Variants in UPF3A observed in about 807,000 individuals in gnomAD.
The protein encoded by UPF3A is UPF3A regulator of nonsense mediated mRNA decay, also known as regulator of nonsense transcripts 3A.
Under a neutral mutation model 53.5 loss-of-function variants are expected in UPF3A, and 42 were observed. That is an observed-to-expected ratio of 0.78 (90% CI 0.61 to 1.01). The LOEUF is 1.01. UPF3A is among the 50% of genes least tolerant of loss of function. The pLI, the probability that UPF3A is intolerant of heterozygous loss-of-function variation, is 0.00. For synonymous variants in UPF3A, 237 were observed against 225.3 expected, an observed-to-expected ratio of 1.05 and a Z score of -0.47; for missense variants, 575 against 598.0, an observed-to-expected ratio of 0.96 and a Z score of 0.40.
At position 114,283,928 on chromosome 13, in the gene UPF3A, G is replaced by T. The variant is rs904333819; in HGVS notation, c.421+985G>T. Reference sequence around the variant, plus strand: ...GTGTTTTCTTTTTCTCCAATGAGGGGTAAGGACTAGAAAGATTGTTAAAAA... The same window carrying T: ...GTGTTTTCTTTTTCTCCAATGAGGGTTAAGGACTAGAAAGATTGTTAAAAA... On this transcript the variant is annotated intron_variant, in intron 3 of 9. Coordinates refer to ENST00000375299, the MANE Select transcript of UPF3A (RefSeq NM_023011.4). 5 of 985,218 alleles carry T rather than the reference G, an allele frequency of 5.1e-6. No individual in the cohort carries two copies. In the Admixed American group the frequency reaches 2.5e-4, roughly 48 times the overall value. The allele number at this position is 985,218 out of a possible 1,614,324, so 61.0% of individuals were successfully genotyped here. A position where few individuals can be genotyped will look rare whatever the true frequency, so the allele number is the denominator to read the frequency against.
chr13:114,302,752 A>G (rs952401984), intron 9 of UPF3A, among the ~76,000 whole-genome samples: 6 of 152,186 alleles, frequency 3.9e-5, no homozygotes, highest in African/African-American at 1.4e-4. Flanking sequence ...CACTCAGTCT[A>G]ATTCCTTTCA....
rs12872127 is a variant in UPF3A at position 114,295,044 on chromosome 13, G to A, written c.846+3252G>A. On this transcript the variant is annotated intron_variant, in intron 7 of 9. Coordinates refer to ENST00000375299, the MANE Select transcript of UPF3A (RefSeq NM_023011.4). Reference sequence around the variant, plus strand: ...GGAGAATGGCATGAACCCGGGAGGCGGAGCTTGCAGTGAGCCAAGATTGCG... The same window carrying A: ...GGAGAATGGCATGAACCCGGGAGGCAGAGCTTGCAGTGAGCCAAGATTGCG... Among the ~76,000 whole-genome samples the A allele has an allele frequency of 1.0e-4, 15 of 148,032 alleles. No individual in the cohort carries two copies. In the East Asian group the frequency reaches 2.0e-3, roughly 20 times the overall value.
intron 5 of UPF3A, among the ~76,000 whole-genome samples, 172 bp from the exon 6 acceptor site, chr13:114,291,317 A>G (rs555042988): frequency 6.6e-6 from 1 of 152,348 alleles, no homozygotes; most frequent in South Asian, 2.1e-4. Context: ...TGATACTTTC[A>G]AATTACTTGA....
At position 114,281,643 on chromosome 13, in the gene UPF3A, C is replaced by T. The variant is rs1372751125; in HGVS notation, c.4C>T (p.Arg2Cys). 6.1e-6 allele frequency: 9 copies of T among 1,472,052 alleles called. No individual in the cohort carries two copies. Among genetic ancestry groups the T allele is most frequent in the South Asian group, 5.2e-5 (4 of 77,644 alleles). 91.2% of individuals were successfully genotyped at this position (1,472,052 alleles called of 1,614,324 possible). The change falls in exon 1 of 10, where the codon CGC becomes TGC. Residue 2 changes from arginine (R) to cysteine (C), a missense_variant. Transcript: ENST00000375299. M[R>C]SEKEGAGGLR... ...GCGGCTCGGCGGAGAGTGCGGCATG[C>T]GCTCGGAAAAGGAGGGGGCCGGAGG...
intron 5 of UPF3A, among the ~76,000 whole-genome samples, chr13:114,290,186 A>G (rs1391948241): frequency 2.0e-5 from 3 of 152,032 alleles, no homozygotes. Context: ...GCTCTTCCCT[A>G]CAACCACTGT....
intron 3 of UPF3A, 25 bp downstream of exon 3, chr13:114,282,968 C>T (rs756904229): frequency 1.5e-5 from 22 of 1,472,286 alleles, no homozygotes; most frequent in Admixed American, 1.8e-5. Context: ...TTTTAAAAAT[C>T]TATTATAATC....
chr13:114,299,596 C>T (rs1217842850), intron 8 of UPF3A, among the ~76,000 whole-genome samples: 1 of 152,198 alleles, frequency 6.6e-6, no homozygotes, highest in Non-Finnish European at 1.5e-5. Flanking sequence ...CTGCATATGA[C>T]AGTGCAGCTC....
At chr13:114,283,194 A>C in intron 3 of UPF3A, 3 of 320,662 alleles carry the variant, frequency 9.4e-6, no homozygotes, top group South Asian at 6.5e-5. Flanking sequence ...TTAAAAAAAA[A>C]ATTGTGTAGA....
chr13:114,302,872 C>T (rs1337438980), intron 9 of UPF3A, among the ~76,000 whole-genome samples: 6 of 152,094 alleles, frequency 3.9e-5, no homozygotes, highest in Admixed American at 6.6e-5. Flanking sequence ...GAGGCTGAGG[C>T]GGGTGGATCA....
intron 3 of UPF3A, among the ~76,000 whole-genome samples, chr13:114,284,399 A>G (rs1362523286): frequency 6.9e-6 from 1 of 144,706 alleles, no homozygotes; most frequent in Non-Finnish European, 1.5e-5. Flanking sequence ...GTGTGTGTGT[A>G]AAATATGTGT....
At chr13:114,291,590 T>G (rs1240799612) in intron 6 of UPF3A, 44 bp from the exon 7 acceptor site, 10 of 1,603,996 alleles carry the variant, frequency 6.2e-6, no homozygotes, top group Non-Finnish European at 8.5e-6. Flanking sequence ...GCTTCTGCCA[T>G]TCTCATCCAG....
rs1258992514 is a variant in UPF3A, at chr13:114,282,124, T to C, written c.311T>C (p.Leu104Pro). The C allele has an allele frequency of 3.9e-6, 6 of 1,555,998 alleles. No individual in the cohort carries two copies. Among genetic ancestry groups the C allele is most frequent in the African/African-American group, 1.4e-5 (1 of 73,246 alleles). Reference protein sequence around the residue: ...HDYFEFFAADLSLYPHLYSRA... With the variant: ...HDYFEFFAADPSLYPHLYSRA... ...TACTTCGAGTTCTTCGCCGCCGACCTGAGGTGAGGCCCGCCCCGAGGGGAG... is the reference window on the plus strand; with the variant it reads ...TACTTCGAGTTCTTCGCCGCCGACCCGAGGTGAGGCCCGCCCCGAGGGGAG... Residue 104 changes from leucine (L) to proline (P), a missense_variant, in exon 2 of 10, where the codon CTG becomes CCG. Physicochemically the swap from Leu to Pro is moderately conservative, Grantham distance 98 (BLOSUM62 -3). Around this residue, in one of 2 missense-constraint regions of UPF3A, gnomAD observed 252 missense variants for 182.7 expected, o/e 1.38. Transcript: ENST00000375299.
At chr13:114,299,206 C>T (rs1017449423) in intron 8 of UPF3A, among the ~76,000 whole-genome samples, 11 of 152,168 alleles carry the variant, frequency 7.2e-5, no homozygotes, top group Non-Finnish European at 1.3e-4. Flanking sequence ...GTCTTCAGAT[C>T]GGGAGTTTCT....
rs185213861 is a variant in UPF3A at position 114,302,874 on chromosome 13, G to T, written c.1302+849G>T. The stretch of plus-strand genomic sequence containing the variant: ...CCCAGCACTTTGGGAGGCTGAGGCG[G>T]GTGGATCACCTGAGGTCAGGAGTTC... On this transcript the variant is annotated intron_variant, in intron 9 of 9. Coordinates refer to ENST00000375299, the MANE Select transcript of UPF3A (RefSeq NM_023011.4). Among the ~76,000 whole-genome samples the T allele has an allele frequency of 7.9e-5, 12 of 152,274 alleles. No homozygotes were observed. The East Asian group carries it at 2.3e-3, about 29-fold the overall frequency.
rs2086331970 is a variant in UPF3A at position 114,299,009 on chromosome 13, G to A, written c.1007+9G>A. On this transcript the variant is annotated intron_variant, in intron 8 of 9. Coordinates refer to ENST00000375299, the MANE Select transcript of UPF3A (RefSeq NM_023011.4). ...GAGGAGCCCCAGGAGACGTGAGCGT[G>A]CTTTCATTGTTATGACCACGTCAGC... The A allele has an allele frequency of 5.0e-6, 8 of 1,587,962 alleles. No homozygotes were observed. The highest frequency in any genetic ancestry group is 1.9e-5 in the Admixed American group (1 of 52,872).
intron 8 of UPF3A, among the ~76,000 whole-genome samples, chr13:114,300,766 T>G (rs765624959): frequency 2.6e-5 from 4 of 152,120 alleles, no homozygotes; most frequent in Non-Finnish European, 5.9e-5. Context: ...CTCGAACTCC[T>G]GATTTTAGGA....
At chr13:114,301,068 T>C (rs2139359684) in intron 8 of UPF3A, among the ~76,000 whole-genome samples, 1 of 151,872 alleles carries the variant, frequency 6.6e-6, no homozygotes, top group Admixed American at 6.5e-5. Context: ...CACCTTGGCG[T>C]CCCAAAGTGC....
At position 114,291,801 on chromosome 13, in the gene UPF3A, G is replaced by A. The variant is rs747589816; in HGVS notation, c.846+9G>A. Reference sequence around the variant, plus strand: ...AAGAAGTAAGGATTAAGGTAATTCTGAGGAAACATTTCCTTTTTCCAAAAA... The same window carrying A: ...AAGAAGTAAGGATTAAGGTAATTCTAAGGAAACATTTCCTTTTTCCAAAAA... On this transcript the variant is annotated intron_variant, in intron 7 of 9. Coordinates refer to ENST00000375299, the MANE Select transcript of UPF3A (RefSeq NM_023011.4). 2 of 1,571,116 alleles carry A rather than the reference G, an allele frequency of 1.3e-6. No homozygotes were observed. Among genetic ancestry groups the A allele is most frequent in the African/African-American group, 2.8e-5 (2 of 72,722 alleles).
In UPF3A at chr13:114,286,358, A is replaced by G; in HGVS notation, c.478A>G (p.Lys160Glu). 1 of 1,614,236 alleles carries G rather than the reference A, an allele frequency of 6.2e-7. No homozygotes were observed. The highest frequency in any genetic ancestry group is 8.5e-7 in the Non-Finnish European group (1 of 1,180,040). Residue 160 changes from lysine to glutamate, a missense_variant, in exon 4 of 10, where the codon AAG becomes GAG. Physicochemically the swap from Lys to Glu is moderately conservative, Grantham distance 56. Transcript: ENST00000375299. ...FAPFQKIAKK[K>E]LRKKDAKTGS... is the part of the protein sequence containing the mutation. ...TCCATTCCAGAAGATAGCCAAAAAGAAGCTGAGAAAAAAAGATGCCAAGAC... is the reference window on the plus strand; with the variant it reads ...TCCATTCCAGAAGATAGCCAAAAAGGAGCTGAGAAAAAAAGATGCCAAGAC...
Sources: allele counts gnomAD v4.1 joint callset (sites outside exome capture counted in the v4.1 genomes callset), GRCh38; gene constraint gnomAD v4.1.1; regional missense constraint gnomAD v4.1.1; transcripts MANE v1.5; gene names NCBI Gene and HGNC (gene_info 2026-07-23, HGNC 2026-07-21).